The following KIAA1586 variants were observed in gnomAD, a reference collection of about 807,000 sequenced individuals.
KIAA1586 encodes the protein E3 SUMO-protein ligase KIAA1586.
KIAA1586 carries 5 observed loss-of-function variants against 6.1 expected under a neutral mutation model. The observed-to-expected ratio is 0.82, with a 90% CI of 0.43 to 1.73. The LOEUF is 1.73. KIAA1586 is among the 40% of genes most tolerant of loss of function. The probability of loss-of-function intolerance (pLI) is 0.02; values close to 1 mark genes in which losing one functional copy is unlikely to be tolerated. For synonymous variants in KIAA1586, 280 were observed against 301.7 expected, an observed-to-expected ratio of 0.93 and a Z score of 0.75; for missense variants, 899 against 878.2, an observed-to-expected ratio of 1.02 and a Z score of -0.30.
intron 3 of KIAA1586, among the ~76,000 whole-genome samples, chr6:57,052,146 A>G (rs1473029025): frequency 6.6e-6 from 1 of 152,220 alleles, no homozygotes. Context: ...CCCTTCATAT[A>G]CTGTGGGTTC....
At position 57,050,521 on chromosome 6, in the gene KIAA1586, G is replaced by A. The variant is rs576644179; in HGVS notation, c.106-253G>A. Among the ~76,000 whole-genome samples the A allele has an allele frequency of 8.8e-5, 13 of 147,820 alleles. No individual in the cohort carries two copies. In the East Asian group the frequency reaches 2.0e-3, roughly 23 times the overall value. ...TGTAGAGTTGGTGTCTCACTATGTTGCCCAGGCTGATCTTGAACTTCTGGG... is the reference window on the plus strand; with the variant it reads ...TGTAGAGTTGGTGTCTCACTATGTTACCCAGGCTGATCTTGAACTTCTGGG... On this transcript the variant is annotated intron_variant, in intron 2 of 3. Coordinates refer to ENST00000370733, the MANE Select transcript of KIAA1586 (RefSeq NM_020931.4).
At chr6:57,052,615 C>G (rs1483942655) in intron 3 of KIAA1586, 71 bp from the exon 4 acceptor site, 38 of 1,222,802 alleles carry the variant, frequency 3.1e-5, no homozygotes, top group Non-Finnish European at 4.0e-5. Context: ...TAGATAATCA[C>G]TAAGAGAACT....
At chr6:57,063,134 C>T in the KIAA1586 span, among the ~76,000 whole-genome samples, 1 of 151,880 alleles carries the variant, frequency 6.6e-6, no homozygotes, top group Admixed American at 6.6e-5. Flanking sequence ...TGGAAGGTAC[C>T]CCTTCAATTA....
chr6:57,054,298 C>A lies in KIAA1586; in HGVS notation c.1799C>A (p.Ala600Asp), dbSNP rs748833268. ...IPFNKNNKFN[A>D]LPRSILLDNI... Reference sequence around the variant, plus strand: ...TTTAATAAAAACAATAAATTTAATGCTCTTCCTAGGAGTATATTACTAGAC... The same window carrying A: ...TTTAATAAAAACAATAAATTTAATGATCTTCCTAGGAGTATATTACTAGAC... Residue 600 changes from alanine (A) to aspartate (D), a missense_variant, in exon 4 of 4, where the codon GCT becomes GAT. By Grantham distance (126) the Ala-to-Asp change is moderately radical. Transcript: ENST00000370733. 1 of 1,579,230 alleles carries A rather than the reference C, an allele frequency of 6.3e-7. No individual in the cohort carries two copies. Among genetic ancestry groups the A allele is most frequent in the South Asian group, 1.2e-5 (1 of 86,264 alleles).
rs760027798 is a variant in KIAA1586 at position 57,054,512 on chromosome 6, T to C, written c.2013T>C (p.Phe671=). 3.1e-6 allele frequency: 5 copies of C among 1,594,286 alleles called. No homozygotes were observed. In the African/African-American group the frequency reaches 6.8e-5, roughly 22 times the overall value. ...AATATGAAGTTGATTTGAATGATTT[T>C]CGGGAATTTGTAAATAATAATATAA... is the stretch of plus-strand genomic sequence containing the variant. ...ILKYEVDLND[F]REFVNNNIKS... The change falls in exon 4 of 4, where the codon TTT becomes TTC. Residue 671 remains phenylalanine (F), a synonymous_variant. Coordinates refer to ENST00000370733, the MANE Select transcript of KIAA1586 (RefSeq NM_020931.4).
the KIAA1586 span, among the ~76,000 whole-genome samples, chr6:57,063,450 CTT>C: frequency 4.9e-5 from 5 of 102,562 alleles, no homozygotes; most frequent in African/African-American, 2.0e-4. Flanking sequence ...TATGTTATTT[CTT>C]TTTTTTTTTT....
At position 57,054,118 on chromosome 6, in the gene KIAA1586, C is replaced by T. The variant is rs1438334305; in HGVS notation, c.1619C>T (p.Ser540Leu). ...ATTCTTGAAGAATTTTCAGTACTTT[C>T]AACTGCATTACAGTCAAGATCAACT... ...IDILEEFSVLSTALQSRSTNI... is the reference protein window; with the variant it reads ...IDILEEFSVLLTALQSRSTNI... The change falls in exon 4 of 4, where the codon TCA becomes TTA. Residue 540 changes from serine (S) to leucine (L), a missense_variant. Coordinates refer to ENST00000370733, the MANE Select transcript of KIAA1586 (RefSeq NM_020931.4). 6.2e-7 allele frequency: 1 copy of T among 1,607,404 alleles called. No individual in the cohort carries two copies. Among genetic ancestry groups the T allele is most frequent in the East Asian group, 2.2e-5 (1 of 44,802 alleles).
At chr6:57,058,689 A>G (rs2127914939), downstream of KIAA1586, among the ~76,000 whole-genome samples, 1 of 152,332 alleles carries the variant, frequency 6.6e-6, no homozygotes, top group South Asian at 2.1e-4. Context: ...CAAAACTTCT[A>G]AAAATAAAAA....
intron 3 of KIAA1586, among the ~76,000 whole-genome samples, chr6:57,051,488 AG>A (rs1593048376): frequency 6.6e-6 from 1 of 151,756 alleles, no homozygotes; most frequent in East Asian, 1.9e-4. Context: ...CATTGTAATC[AG>A]TAAAATACAA....
chr6:57,050,583 T>C (rs1450626091), intron 2 of KIAA1586, among the ~76,000 whole-genome samples, 191 bp from the exon 3 acceptor site: 1 of 152,116 alleles, frequency 6.6e-6, no homozygotes, highest in Non-Finnish European at 1.5e-5. Context: ...CCCAGTGTGC[T>C]AGGATTACAG....
the KIAA1586 span, among the ~76,000 whole-genome samples, chr6:57,060,802 G>A: frequency 1.3e-5 from 2 of 151,910 alleles, no homozygotes; most frequent in Non-Finnish European, 2.9e-5. Flanking sequence ...CTGAAAATGT[G>A]ATTTATTTAT....
intron 2 of KIAA1586, among the ~76,000 whole-genome samples, chr6:57,049,010 A>G (rs1828254761): frequency 6.6e-6 from 1 of 151,764 alleles, no homozygotes; most frequent in Non-Finnish European, 1.5e-5. Flanking sequence ...AAATATAAAG[A>G]TCCTTCTACA....
At chr6:57,058,445 A>T (rs939508324), downstream of KIAA1586, among the ~76,000 whole-genome samples, 2 of 152,212 alleles carry the variant, frequency 1.3e-5, no homozygotes, top group South Asian at 4.1e-4. Context: ...ATACCCTGTC[A>T]GTTGGTCATA....
chr6:57,050,928 G>A (rs1828306284), intron 3 of KIAA1586, 74 bp downstream of exon 3: 1 of 1,102,254 alleles, frequency 9.1e-7, no homozygotes, highest in Non-Finnish European at 1.4e-6. Context: ...GCTTGAACTG[G>A]ATCATAAGAA....
At chr6:57,049,637 T>C (rs1828271339) in intron 2 of KIAA1586, among the ~76,000 whole-genome samples, 1 of 152,202 alleles carries the variant, frequency 6.6e-6, no homozygotes, top group Admixed American at 6.5e-5. Flanking sequence ...GGAAGGTTAC[T>C]TCCTCCTTGC....
intron 2 of KIAA1586, among the ~76,000 whole-genome samples, chr6:57,048,779 C>G (rs1383477529): frequency 6.6e-6 from 1 of 152,096 alleles, no homozygotes; most frequent in Non-Finnish European, 1.5e-5. Flanking sequence ...ATTGATGATC[C>G]ATGTGCCATT....
chr6:57,049,674 A>G (rs72865278), intron 2 of KIAA1586, among the ~76,000 whole-genome samples: 94 of 152,152 alleles, frequency 6.2e-4, no homozygotes, highest in Non-Finnish European at 1.1e-3. Context: ...CCACATTACC[A>G]TTTGTCTAGA....
rs1449155260 is a variant in KIAA1586, at chr6:57,046,704, C to T, written c.-52C>T. The T allele has an allele frequency of 1.4e-5, 22 of 1,608,206 alleles. No individual in the cohort carries two copies. The highest frequency in any genetic ancestry group is 1.8e-5 in the Non-Finnish European group (21 of 1,177,656). On this transcript the variant is annotated 5_prime_UTR_variant, in exon 1 of 4. Transcript: ENST00000370733. ...GCGGGAAGGGGAGTGGTGGCGGCTG[C>T]GGCAGTAGGGACAGCAGGAGCAGTG...
intron 2 of KIAA1586, among the ~76,000 whole-genome samples, chr6:57,049,733 CCTT>C (rs1348998957): frequency 6.6e-6 from 1 of 152,148 alleles, no homozygotes; most frequent in Non-Finnish European, 1.5e-5. Context: ...ATGTGGTTAA[CCTT>C]CTTGAAACAG....
Sources: allele counts gnomAD v4.1 joint callset (sites outside exome capture counted in the v4.1 genomes callset), GRCh38; gene constraint gnomAD v4.1.1; transcripts MANE v1.5; gene names NCBI Gene and HGNC (gene_info 2026-07-23, HGNC 2026-07-21).